CSTF3: variants seen among roughly 807,000 people sequenced by gnomAD.
CSTF3 encodes the protein cleavage stimulation factor subunit 3.
In CSTF3, 29 loss-of-function variants were observed where a neutral mutation model predicts 105.8. That is an observed-to-expected ratio of 0.27 (90% CI 0.20 to 0.37). The LOEUF is 0.37. Ranked by LOEUF, CSTF3 falls within the 10% of genes least tolerant of loss-of-function variation. CSTF3 has a pLI of 1.00. For synonymous variants in CSTF3, 252 were observed against 281.9 expected, an observed-to-expected ratio of 0.89 and a Z score of 1.06; for missense variants, 357 against 879.3, an observed-to-expected ratio of 0.41 and a Z score of 7.51.
chr11:33,092,582 C>T (rs1855180270), intron 15 of CSTF3, among the ~76,000 whole-genome samples: 1 of 152,192 alleles, frequency 6.6e-6, no homozygotes, highest in Admixed American at 6.5e-5. Context: ...CCTTCTAGTT[C>T]AGCCCTCCTC....
At chr11:33,157,354 C>CA (rs977916360) in intron 1 of CSTF3, among the ~76,000 whole-genome samples, 83 of 151,640 alleles carry the variant, frequency 5.5e-4, no homozygotes, top group African/African-American at 2.0e-3. Flanking sequence ...GACTCCATCT[C>CA]AAAAAAACAA....
rs1424863780 is a variant in CSTF3 at position 33,141,969 on chromosome 11, T to C, written c.45A>G (p.Pro15=). The C allele has an allele frequency of 1.2e-6, 2 of 1,613,642 alleles. No individual in the cohort carries two copies. The highest frequency in any genetic ancestry group is 4.5e-5 in the East Asian group (2 of 44,870). Residue 15 remains proline, a synonymous_variant, in exon 2 of 21, where the codon CCA becomes CCG. Coordinates refer to ENST00000323959, the MANE Select transcript of CSTF3 (RefSeq NM_001326.3). ...GATEQAAEYV[P]EKVKKAEKKL... ...TCTTTTCCGCTTTCTTCACCTTCTC[T>C]GGGACATACTCAGCTGCCTGGGGAA...
At chr11:33,141,608 C>T in intron 3 of CSTF3, 59 bp downstream of exon 3, 5 of 1,533,872 alleles carry the variant, frequency 3.3e-6, no homozygotes, top group Non-Finnish European at 4.4e-6. Context: ...AACTTGTTTT[C>T]TATCACTACA....
rs1196426547 is a variant in CSTF3, at chr11:33,148,750, T to C, written c.28-6764A>G. 2.0e-5 allele frequency among the ~76,000 whole-genome samples: 3 copies of C among 152,094 alleles called. No individual in the cohort carries two copies. In the South Asian group the frequency reaches 6.2e-4, roughly 32 times the overall value. Reference sequence around the variant, plus strand: ...GTTGCTCCTTTGGTGCCACAGAATCTTTCTGCAGTCTAGTGAAACCTATGA... The same window carrying C: ...GTTGCTCCTTTGGTGCCACAGAATCCTTCTGCAGTCTAGTGAAACCTATGA... On this transcript the variant is annotated intron_variant, in intron 1 of 20. Transcript: ENST00000323959.
At position 33,087,131 on chromosome 11, in the gene CSTF3, C is replaced by T. The variant is rs1855113380; in HGVS notation, c.1652G>A (p.Arg551His). 5.0e-6 allele frequency: 8 copies of T among 1,613,808 alleles called. No individual in the cohort carries two copies. The highest frequency in any genetic ancestry group is 1.3e-5 in the African/African-American group (1 of 74,860). The change falls in exon 18 of 21, where the codon CGT becomes CAT. Residue 551 changes from arginine to histidine, a missense_variant. Arg to His is a conservative substitution (Grantham distance 29, BLOSUM62 0). Transcript: ENST00000323959. ...LKALGYKDVSRAKLAAIIPDP... is the reference protein window; with the variant it reads ...LKALGYKDVSHAKLAAIIPDP... ...CGGAATTATAGCTGCTAGCTTAGCA[C>T]GGGAGACATCCTGAAAATGCAGAAC...
chr11:33,113,873 T>G (rs191911770), intron 3 of CSTF3, among the ~76,000 whole-genome samples: 12 of 151,886 alleles, frequency 7.9e-5, no homozygotes, highest in Admixed American at 4.6e-4. Flanking sequence ...CTGGGCAACA[T>G]AGCAAGGCCC....
intron 18 of CSTF3, 121 bp downstream of exon 18, chr11:33,086,867 G>A (rs1855110720): frequency 9.1e-7 from 1 of 1,103,322 alleles, no homozygotes; most frequent in African/African-American, 1.6e-5. Context: ...ACTTGTCATA[G>A]TGATCCTAAG....
At chr11:33,135,611 G>A (rs960806755) in intron 3 of CSTF3, among the ~76,000 whole-genome samples, 1 of 152,092 alleles carries the variant, frequency 6.6e-6, no homozygotes. Context: ...TATAAAATGA[G>A]GGGGCTAAAC....
chr11:33,124,194 A>C (rs528159280), intron 3 of CSTF3, among the ~76,000 whole-genome samples: 61 of 152,238 alleles, frequency 4.0e-4, no homozygotes, highest in African/African-American at 1.3e-3. Context: ...CATTTAAAAA[A>C]GAAAACTATC....
chr11:33,103,073 A>G, intron 9 of CSTF3, 34 bp downstream of exon 9: 1 of 1,347,796 alleles, frequency 7.4e-7, no homozygotes, highest in Non-Finnish European at 1.0e-6. Flanking sequence ...CAGACTCATA[A>G]TAATCATTAA....
chr11:33,110,312 T>G (rs910230909), intron 3 of CSTF3, among the ~76,000 whole-genome samples: 1 of 152,120 alleles, frequency 6.6e-6, no homozygotes, highest in African/African-American at 2.4e-5. Flanking sequence ...AAATCTCTAC[T>G]CAAGAGTAGG....
chr11:33,157,092 C>T (rs1849876351), intron 1 of CSTF3, among the ~76,000 whole-genome samples: 1 of 151,828 alleles, frequency 6.6e-6, no homozygotes, highest in Admixed American at 6.6e-5. Flanking sequence ...GTGGCTCACG[C>T]CTGTAATCCC....
chr11:33,095,815 GTC>G, intron 15 of CSTF3, among the ~76,000 whole-genome samples: 1 of 66,384 alleles, frequency 1.5e-5, no homozygotes. Flanking sequence ...GCGAGACTCT[GTC>G]TCAAATAAAT....
Position 33,092,462 on chromosome 11 carries a change from A to G in CSTF3, c.1376-122T>C, listed in dbSNP as rs1167223060. On this transcript the variant is annotated intron_variant, in intron 15 of 20. Transcript: ENST00000323959. ...TATGCAGAAAGGTTTAACTATTATCACACTTGATTTTTATAGATGAGGAAA... is the reference window on the plus strand; with the variant it reads ...TATGCAGAAAGGTTTAACTATTATCGCACTTGATTTTTATAGATGAGGAAA... 3 of 563,662 alleles carry G rather than the reference A, an allele frequency of 5.3e-6. No individual in the cohort carries two copies. In the South Asian group the frequency reaches 9.1e-5, roughly 17 times the overall value. The allele number at this position is 563,662 out of a possible 1,614,324, so 34.9% of individuals were successfully genotyped here. A position where few individuals can be genotyped will look rare whatever the true frequency, so the allele number is the denominator to read the frequency against.
At position 33,159,664 on chromosome 11, in the gene CSTF3, G is replaced by A. The variant is rs145496518; in HGVS notation, c.27+1635C>T. Among the ~76,000 whole-genome samples the A allele has an allele frequency of 8.3e-4, 125 of 149,986 alleles. 1 individual carries two copies. The highest frequency in any genetic ancestry group is 3.5e-3 in the Middle Eastern group (1 of 284). ...GGCGCGCGCCTGTACTCCCAGCTACGGAGGAGGCTGAGGTGGCAGGATCAC... is the reference window on the plus strand; with the variant it reads ...GGCGCGCGCCTGTACTCCCAGCTACAGAGGAGGCTGAGGTGGCAGGATCAC... On this transcript the variant is annotated intron_variant, in intron 1 of 20. Transcript: ENST00000323959.
intron 9 of CSTF3, 96 bp downstream of exon 9, chr11:33,103,011 G>A (rs1282483120): frequency 1.8e-5 from 14 of 782,304 alleles, no homozygotes; most frequent in Non-Finnish European, 2.3e-5. Context: ...GATTGCTAAT[G>A]ACTGAAAATA....
At chr11:33,144,915 G>A (rs1399546856) in intron 1 of CSTF3, 3 of 235,034 alleles carry the variant, frequency 1.3e-5, no homozygotes, top group Non-Finnish European at 2.6e-5. Flanking sequence ...GGGAGAAGTT[G>A]CAGGGAACTG....
In CSTF3 at chr11:33,087,087, A is replaced by G. The variant is rs1855113088; in HGVS notation, c.1696T>C (p.Ser566Pro). The G allele has an allele frequency of 6.2e-7, 1 of 1,614,022 alleles. No individual in the cohort carries two copies. The highest frequency in any genetic ancestry group is 8.5e-7 in the Non-Finnish European group (1 of 1,180,004). Reference protein sequence around the residue: ...AIIPDPVVAPSIVPVLKDEVD... With the variant: ...AIIPDPVVAPPIVPVLKDEVD... ...TCATCTTTCAGAACAGGCACTATAG[A>G]AGGAGCTACAACTGGGTCCGGAATT... The change falls in exon 18 of 21, where the codon TCT (serine) becomes CCT (proline). Residue 566 changes from serine to proline, a missense_variant. By Grantham distance (74) the Ser-to-Pro change is moderately conservative (BLOSUM62 -1). Transcript: ENST00000323959.
At chr11:33,097,400 C>T (rs1403729895) in intron 13 of CSTF3, among the ~76,000 whole-genome samples, 1 of 151,958 alleles carries the variant, frequency 6.6e-6, no homozygotes. Flanking sequence ...GACGGAGTCT[C>T]GCTCTGTTGC....
Sources: gnomAD v4.1 joint callset for allele counts (sites outside exome capture counted in the v4.1 genomes callset) on GRCh38, gnomAD v4.1.1 for gene constraint, MANE v1.5 for transcripts, NCBI Gene and HGNC (gene_info 2026-07-23, HGNC 2026-07-21) for gene names.